Variants in EXOC4 observed in about 807,000 individuals in gnomAD.
EXOC4 encodes the protein exocyst complex component 4, also known as SEC8-like 1.
Under a neutral mutation model 107.2 loss-of-function variants are expected in EXOC4, and 71 were observed. That is an observed-to-expected ratio of 0.66 (90% confidence interval 0.55 to 0.81). The LOEUF (loss-of-function observed/expected upper bound fraction) is 0.81. EXOC4 is among the 30% of genes least tolerant of loss of function. EXOC4 has a pLI of 0.00. For synonymous variants in EXOC4, 456 were observed against 441.2 expected, an observed-to-expected ratio of 1.03 and a Z score of -0.42; for missense variants, 1,108 against 1,189.6, an observed-to-expected ratio of 0.93 and a Z score of 1.01.
At chr7:133,970,452 T>G (rs1480894525) in intron 14 of EXOC4, among the ~76,000 whole-genome samples, 1 of 3,728 alleles carries the variant, frequency 2.7e-4, no homozygotes, top group Non-Finnish European at 4.5e-4. Context: ...AGTTTTGTGC[T>G]TGAAACCCAG....
At chr7:133,597,741 G>A (rs1331255004) in intron 9 of EXOC4, among the ~76,000 whole-genome samples, 1 of 151,554 alleles carries the variant, frequency 6.6e-6, no homozygotes, top group Non-Finnish European at 1.5e-5. Flanking sequence ...TAAAAGTGAT[G>A]TCATCACACC....
chr7:133,292,045 A>C (rs1172692675), intron 3 of EXOC4, among the ~76,000 whole-genome samples: 2 of 152,132 alleles, frequency 1.3e-5, no homozygotes, highest in Non-Finnish European at 2.9e-5. Flanking sequence ...TCATCTTGCT[A>C]TTCAAAATTG....
At chr7:133,758,924 G>T (rs1327553193) in intron 10 of EXOC4, among the ~76,000 whole-genome samples, 1 of 152,112 alleles carries the variant, frequency 6.6e-6, no homozygotes, top group African/African-American at 2.4e-5. Flanking sequence ...AAGTGCTTTG[G>T]CAGTTTCAAG....
At chr7:133,795,951 C>G (rs1796805110) in intron 10 of EXOC4, among the ~76,000 whole-genome samples, 1 of 152,108 alleles carries the variant, frequency 6.6e-6, no homozygotes. Context: ...ATTTACTCTT[C>G]TTAGAACAAT....
At chr7:133,424,270 C>T (rs1236864679) in intron 7 of EXOC4, among the ~76,000 whole-genome samples, 1 of 152,140 alleles carries the variant, frequency 6.6e-6, no homozygotes, top group Non-Finnish European at 1.5e-5. Context: ...CTCTTATGAG[C>T]TGTAACACTC....
intron 10 of EXOC4, among the ~76,000 whole-genome samples, chr7:133,653,099 G>A (rs1192641264): frequency 2.0e-5 from 3 of 152,034 alleles, no homozygotes; most frequent in African/African-American, 7.2e-5. Flanking sequence ...TGAAACCTGA[G>A]GTTATATGTT....
At chr7:133,671,735 A>T (rs1793950524) in intron 10 of EXOC4, among the ~76,000 whole-genome samples, 2 of 152,130 alleles carry the variant, frequency 1.3e-5, no homozygotes, top group Non-Finnish European at 1.5e-5. Context: ...AAGTGTGAAG[A>T]TTTGCCAGTG....
chr7:134,019,284 A>G (rs1373193002), intron 17 of EXOC4, among the ~76,000 whole-genome samples: 1 of 152,154 alleles, frequency 6.6e-6, no homozygotes, highest in Non-Finnish European at 1.5e-5. Flanking sequence ...TTACCAAGAA[A>G]TAGTTTTTGT....
chr7:133,262,638 A>G (rs1223729757), intron 1 of EXOC4, among the ~76,000 whole-genome samples: 1 of 152,204 alleles, frequency 6.6e-6, no homozygotes, highest in East Asian at 1.9e-4. Context: ...TATACTAAAA[A>G]TATCACTTGA....
At chr7:133,910,512 T>C (rs148575814) in intron 12 of EXOC4, among the ~76,000 whole-genome samples, 1 of 152,332 alleles carries the variant, frequency 6.6e-6, no homozygotes, top group African/African-American at 2.4e-5. Context: ...CTGACCAGCA[T>C]TGAGTATGGT....
intron 6 of EXOC4, among the ~76,000 whole-genome samples, chr7:133,367,898 C>G (rs1190328487): frequency 6.6e-6 from 1 of 152,090 alleles, no homozygotes; most frequent in Non-Finnish European, 1.5e-5. Context: ...GTCACTGATA[C>G]TTCATTTCAG....
intron 10 of EXOC4, among the ~76,000 whole-genome samples, chr7:133,674,868 A>G (rs746577758): frequency 1.1e-4 from 17 of 152,166 alleles, no homozygotes; most frequent in Non-Finnish European, 2.2e-4. Context: ...AAAGTTCACC[A>G]TGCTCACTGG....
intron 11 of EXOC4, among the ~76,000 whole-genome samples, chr7:133,877,580 C>G (rs563166416): frequency 6.6e-6 from 1 of 152,272 alleles, no homozygotes; most frequent in South Asian, 2.1e-4. Context: ...GGAGGTTCTT[C>G]CACTGTAGCT....
chr7:134,076,301 A>G, the EXOC4 span, among the ~76,000 whole-genome samples: 1 of 152,160 alleles, frequency 6.6e-6, no homozygotes, highest in Non-Finnish European at 1.5e-5. Flanking sequence ...GTGGATGACG[A>G]GGTCAGGAGA....
intron 5 of EXOC4, among the ~76,000 whole-genome samples, chr7:133,341,390 A>G (rs895763165): frequency 4.6e-5 from 7 of 152,132 alleles, no homozygotes; most frequent in African/African-American, 1.7e-4. Context: ...CTGTGGTCTG[A>G]GAGAGTACTT....
chr7:134,015,594 G>A (rs1434078747), intron 17 of EXOC4, among the ~76,000 whole-genome samples: 2 of 152,050 alleles, frequency 1.3e-5, no homozygotes, highest in Non-Finnish European at 2.9e-5. Context: ...AAGTGGTAGG[G>A]GGCTAGGCAC....
chr7:133,796,627 A>G (rs1796821250), intron 10 of EXOC4, among the ~76,000 whole-genome samples: 1 of 152,058 alleles, frequency 6.6e-6, no homozygotes, highest in Non-Finnish European at 1.5e-5. Flanking sequence ...GCGTGGTGGC[A>G]TGCACCTGTA....
At chr7:133,328,913 G>A (rs1368307893) in intron 5 of EXOC4, among the ~76,000 whole-genome samples, 1 of 152,128 alleles carries the variant, frequency 6.6e-6, no homozygotes, top group Non-Finnish European at 1.5e-5. Context: ...TGCTCTTCTT[G>A]AGGAGTATTT....
At chr7:133,718,357 G>A (rs1300444743) in intron 10 of EXOC4, among the ~76,000 whole-genome samples, 1 of 152,164 alleles carries the variant, frequency 6.6e-6, no homozygotes, top group Non-Finnish European at 1.5e-5. Flanking sequence ...GCCTAGAGAA[G>A]TTGTCTGAGA....
Sources: allele counts gnomAD v4.1 joint callset (sites outside exome capture counted in the v4.1 genomes callset), GRCh38; gene constraint gnomAD v4.1.1; transcripts MANE v1.5; gene names NCBI Gene and HGNC (gene_info 2026-07-23, HGNC 2026-07-21).